The following PLCH2 variants were observed in gnomAD, a reference collection of about 807,000 sequenced individuals.
PLCH2 encodes the protein 1-phosphatidylinositol 4,5-bisphosphate phosphodiesterase eta-2.
A neutral mutation model predicts 134.7 loss-of-function variants in PLCH2; 98 were observed. That is an observed-to-expected ratio of 0.73 (90% CI 0.62 to 0.86). PLCH2 has a LOEUF of 0.86. Ranked by LOEUF, PLCH2 falls within the 40% of genes least tolerant of loss-of-function variation. PLCH2 has a pLI of 0.00. For synonymous variants in PLCH2, 974 were observed against 827.5 expected (o/e 1.18, Z -3.04); for missense variants, 1,994 against 1,986.6 (o/e 1.00, Z -0.07).
At chr1:2,459,844 G>A (rs1416754552) in intron 2 of PLCH2, among the ~76,000 whole-genome samples, 5 of 152,272 alleles carry the variant, frequency 3.3e-5, no homozygotes, top group South Asian at 4.1e-4. Context: ...GGCCGTGGAC[G>A]GCGGGCAGTG....
At chr1:2,478,330 G>T in intron 1 of PLCH2, 146 bp from the exon 2 acceptor site, 1 of 981,058 alleles carries the variant, frequency 1.0e-6, no homozygotes, top group Non-Finnish European at 1.5e-6. Context: ...GGTGTGGGCG[G>T]GGCCGGGCGA....
At chr1:2,479,635 A>C in intron 2 of PLCH2, 99 bp from the exon 3 acceptor site, 2 of 1,300,894 alleles carry the variant, frequency 1.5e-6, no homozygotes, top group Non-Finnish European at 2.1e-6. Flanking sequence ...AAGGTGGGCA[A>C]GGAGCTCCCG....
In PLCH2 at chr1:2,504,149, G is replaced by T. The variant is rs2100750643; in HGVS notation, c.3187G>T (p.Gly1063Cys). 1 of 1,521,920 alleles carries T rather than the reference G, an allele frequency of 6.6e-7. No individual in the cohort carries two copies. The highest frequency in any genetic ancestry group is 1.2e-5 in the South Asian group (1 of 81,288). The allele number at this position is 1,521,920 out of a possible 1,614,324, so 94.3% of individuals were successfully genotyped here. Residue 1063 changes from glycine to cysteine, a missense_variant, in exon 22 of 22, where the codon GGC (glycine) becomes TGC (cysteine). Gly to Cys is a radical substitution (Grantham distance 159, BLOSUM62 -3). Around this residue, in one of 2 missense-constraint regions of PLCH2, gnomAD observed 900 missense variants for 752.3 expected, o/e 1.20. Coordinates refer to ENST00000378486, the MANE Select transcript of PLCH2 (RefSeq NM_014638.4). ...CAGGCCTCGGCCGTGCAACGGCGAG[G>T]GCGCCGGCGGGGCATACGAGAGGGC... The part of the protein sequence containing the change: ...DSRPRPCNGE[G>C]AGGAYERAPG...
At chr1:2,437,858 G>C (rs1054991895) in intron 2 of PLCH2, among the ~76,000 whole-genome samples, 2 of 152,140 alleles carry the variant, frequency 1.3e-5, no homozygotes, top group Non-Finnish European at 2.9e-5. Flanking sequence ...TGCACACACA[G>C]TACATGCACC....
chr1:2,488,653 C>T (rs1447383024), intron 8 of PLCH2, among the ~76,000 whole-genome samples: 1 of 152,186 alleles, frequency 6.6e-6, no homozygotes, highest in African/African-American at 2.4e-5. Context: ...AGCTGAAAAG[C>T]TTATAATTAA....
intron 10 of PLCH2, among the ~76,000 whole-genome samples, chr1:2,490,222 G>A (rs1022344362): frequency 2.0e-5 from 3 of 152,196 alleles, no homozygotes; most frequent in African/African-American, 2.4e-5. Context: ...GGCCCACCCA[G>A]GCCCTGGCAC....
intron 1 of PLCH2, chr1:2,467,793 C>CAGTGCAG: frequency 2.5e-6 from 1 of 398,032 alleles, no homozygotes; most frequent in Non-Finnish European, 4.4e-6. Context: ...CCCCCGTGGG[C>CAGTGCAG]AGTGCAGAGC....
intron 3 of PLCH2, 92 bp downstream of exon 3, chr1:2,480,069 A>C: frequency 6.3e-7 from 1 of 1,579,384 alleles, no homozygotes. Flanking sequence ...CGGGTCACAC[A>C]CTGGGGAAGT....
upstream of PLCH2, among the ~76,000 whole-genome samples, chr1:2,465,987 T>C (rs1211811717): frequency 1.3e-5 from 2 of 152,204 alleles, no homozygotes; most frequent in African/African-American, 4.8e-5. Context: ...TTCTGAGACT[T>C]GGGGCTGCTG....
chr1:2,491,322 A>G lies in PLCH2; in HGVS notation c.1646A>G (p.Lys549Arg), dbSNP rs762042432. ...GTCTCCACACTGTCCCCATCTGGAA[A>G]GCTCGGACGCAAGGTAGAGGCCAAA... ...FSVSTLSPSG[K>R]LGRKSKAEED... Residue 549 changes from lysine to arginine, a missense_variant, in exon 11 of 22, where the codon AAG becomes AGG. Physicochemically the swap from Lys to Arg is conservative, Grantham distance 26. Around this residue, in one of 2 missense-constraint regions of PLCH2, gnomAD observed 1,094 missense variants for 1,234.3 expected, o/e 0.89. Coordinates refer to ENST00000378486, the MANE Select transcript of PLCH2 (RefSeq NM_014638.4). 6.2e-7 allele frequency: 1 copy of G among 1,612,826 alleles called. No individual in the cohort carries two copies. The highest frequency in any genetic ancestry group is 1.7e-5 in the Admixed American group (1 of 59,974).
Position 2,496,975 on chromosome 1 carries a change from A to G in PLCH2, c.2081A>G (p.Asn694Ser). 5 of 1,613,156 alleles carry G rather than the reference A, an allele frequency of 3.1e-6. No homozygotes were observed. Among genetic ancestry groups the G allele is most frequent in the Non-Finnish European group, 4.2e-6 (5 of 1,179,764 alleles). Residue 694 changes from asparagine to serine, a missense_variant, in exon 15 of 22, where the codon AAC becomes AGC. This residue lies in a region of PLCH2 where 1,094 missense variants were observed against 1,234.3 expected (regional missense o/e 0.89). Transcript: ENST00000378486. ...SSYRVDSSNY[N>S]PQPFWNAGCQ... is the part of the protein sequence containing the mutation. ...TACCGTGTGGACTCCAGCAACTACA[A>G]CCCGCAGCCCTTCTGGAACGCCGGC...
Position 2,429,496 on chromosome 1 carries a change from G to A in PLCH2, c.-177-842G>A, listed in dbSNP as rs578154756. Among the ~76,000 whole-genome samples the A allele has an allele frequency of 6.4e-4, 97 of 152,298 alleles. 2 individuals carry two copies. The highest frequency in any genetic ancestry group is 2.0e-3 in the African/African-American group (84 of 41,556). Reference sequence around the variant, plus strand: ...TTGGCGGGTGATGTGGTGGAAAGGCGGGTTCTGGGCAGGGAGGCTGAGCAG... The same window carrying A: ...TTGGCGGGTGATGTGGTGGAAAGGCAGGTTCTGGGCAGGGAGGCTGAGCAG... On this transcript the variant is annotated intron_variant, in intron 1 of 3. Coordinates refer to the PLCH2 transcript ENST00000609981.
intron 2 of PLCH2, among the ~76,000 whole-genome samples, chr1:2,449,650 T>G (rs982665705): frequency 4.6e-5 from 7 of 152,196 alleles, no homozygotes; most frequent in Non-Finnish European, 1.0e-4. Context: ...CCAGGTGGTG[T>G]CACTGGGGTG....
intron 2 of PLCH2, among the ~76,000 whole-genome samples, chr1:2,443,095 C>T (rs577030045): frequency 1.3e-5 from 2 of 152,280 alleles, no homozygotes; most frequent in South Asian, 4.1e-4. Context: ...GAATGGTCAT[C>T]CTGGTTCTCC....
At chr1:2,469,241 G>A (rs1024683133) in intron 1 of PLCH2, among the ~76,000 whole-genome samples, 6 of 152,220 alleles carry the variant, frequency 3.9e-5, no homozygotes, top group Non-Finnish European at 7.3e-5. Flanking sequence ...GGCTGCTGCC[G>A]GGTGGCCCCA....
upstream of PLCH2, among the ~76,000 whole-genome samples, chr1:2,422,908 T>C (rs1232847348): frequency 6.6e-6 from 1 of 152,252 alleles, no homozygotes; most frequent in Non-Finnish European, 1.5e-5. Context: ...TTGGTATTAA[T>C]AATTTGAAAA....
intron 2 of PLCH2, among the ~76,000 whole-genome samples, chr1:2,454,829 G>C (rs1467954857): frequency 6.6e-6 from 1 of 152,200 alleles, no homozygotes; most frequent in Non-Finnish European, 1.5e-5. Context: ...TCCTTGGCCA[G>C]GTTTGGGGCT....
In PLCH2 at chr1:2,498,576, C is replaced by G. The variant is rs750689384; in HGVS notation, c.2278C>G (p.Leu760Val). Residue 760 changes from leucine to valine, a missense_variant, in exon 17 of 22, where the codon CTG becomes GTG. By Grantham distance (32) the Leu-to-Val change is conservative. Around this residue, in one of 2 missense-constraint regions of PLCH2, gnomAD observed 1,094 missense variants for 1,234.3 expected, o/e 0.89. Coordinates refer to ENST00000378486, the MANE Select transcript of PLCH2 (RefSeq NM_014638.4). The surrounding 1 kb of genome is among the most constrained non-coding windows in gnomAD (Gnocchi z 5.4). ...DPLPGQLKKQ[L>V]VLRIISGQQL... is the part of the protein sequence containing the mutation. ...CCTGCCCGGGCAGCTCAAGAAGCAG[C>G]TGGTGCTCCGGATCATCAGTGGCCA... is the stretch of plus-strand genomic sequence containing the variant. 6.2e-7 allele frequency: 1 copy of G among 1,603,552 alleles called. No individual in the cohort carries two copies. The highest frequency in any genetic ancestry group is 1.1e-5 in the South Asian group (1 of 89,670).
chr1:2,469,560 GC>G (rs1470834446), intron 1 of PLCH2, among the ~76,000 whole-genome samples: 2 of 152,202 alleles, frequency 1.3e-5, no homozygotes, highest in African/African-American at 2.4e-5. Context: ...CCCGGGCAGT[GC>G]CCTTTGCTGG....
Sources: allele counts gnomAD v4.1 joint callset (sites outside exome capture counted in the v4.1 genomes callset), GRCh38; gene constraint gnomAD v4.1.1; regional missense constraint gnomAD v4.1.1; non-coding constraint Gnocchi (gnomAD v3.1); transcripts MANE v1.5; gene names NCBI Gene and HGNC (gene_info 2026-07-23, HGNC 2026-07-21).